Variants in PPP2R5E observed in about 807,000 individuals in gnomAD.
The protein encoded by PPP2R5E is serine/threonine-protein phosphatase 2A 56 kDa regulatory subunit epsilon isoform.
A neutral mutation model predicts 65.3 loss-of-function variants in PPP2R5E; 4 were observed. That is an observed-to-expected ratio of 0.06 (90% confidence interval 0.03 to 0.14). The LOEUF (loss-of-function observed/expected upper bound fraction) is 0.14, where lower values mean the gene tolerates loss of function less well. PPP2R5E is among the 10% of genes least tolerant of loss of function. The pLI is 1.00. For missense variants in PPP2R5E, 274 were observed against 556.1 expected, an observed-to-expected ratio of 0.49 and a Z score of 5.10; for synonymous variants, 183 against 187.4, an observed-to-expected ratio of 0.98 and a Z score of 0.19.
intron 12 of PPP2R5E, 131 bp from the exon 13 acceptor site, chr14:63,382,288 T>C: frequency 2.0e-6 from 1 of 493,968 alleles, no homozygotes; most frequent in Non-Finnish European, 3.4e-6. Flanking sequence ...CTTTTTTAGT[T>C]GGAACAACTG....
At position 63,404,451 on chromosome 14, in the gene PPP2R5E, T is replaced by C. The variant is rs139935956; in HGVS notation, c.550-7735A>G. Among the ~76,000 whole-genome samples the C allele has an allele frequency of 4.2e-3, 646 of 152,326 alleles. 4 individuals carry two copies. The highest frequency in any genetic ancestry group is 0.015 in the African/African-American group (606 of 41,576). On this transcript the variant is annotated intron_variant, in intron 5 of 13. Coordinates refer to ENST00000337537, the MANE Select transcript of PPP2R5E (RefSeq NM_006246.5). ...AAACTATCTTCCTCATACTTTCACC[T>C]TGGCCAAATACAGAGAAAACAGCCC...
rs540377203 is a variant in PPP2R5E, at chr14:63,390,196, A to G, written c.955-465T>C. Among the ~76,000 whole-genome samples, 5 of 152,108 alleles carry G rather than the reference A, an allele frequency of 3.3e-5. No individual in the cohort carries two copies. In the South Asian group the frequency reaches 1.0e-3, roughly 32 times the overall value. On this transcript the variant is annotated intron_variant, in intron 10 of 13. Transcript: ENST00000337537. ...CTACATGCTCAATGCTCTAGAACGC[A>G]CTCATTAATACAACAAAAAGTTCAA... is the stretch of plus-strand genomic sequence containing the variant.
intron 3 of PPP2R5E, among the ~76,000 whole-genome samples, chr14:63,437,806 CAAAA>C (rs545511297): frequency 2.0e-5 from 3 of 152,002 alleles, no homozygotes; most frequent in African/African-American, 7.2e-5. Context: ...TCCATTTTGT[CAAAA>C]AAATACACTT....
chr14:63,482,598 G>T (rs943506543), intron 2 of PPP2R5E, among the ~76,000 whole-genome samples: 5 of 152,172 alleles, frequency 3.3e-5, no homozygotes, highest in African/African-American at 7.2e-5. Flanking sequence ...ACGCAAGAAA[G>T]GGGAGTAATA....
intron 13 of PPP2R5E, among the ~76,000 whole-genome samples, chr14:63,379,980 G>A (rs868810467): frequency 4.6e-5 from 7 of 151,438 alleles, no homozygotes; most frequent in Non-Finnish European, 8.8e-5. Flanking sequence ...GACCACAAGC[G>A]CATGCCACCG....
chr14:63,504,788 A>C (rs1424211246), intron 2 of PPP2R5E, among the ~76,000 whole-genome samples: 2 of 151,910 alleles, frequency 1.3e-5, no homozygotes, highest in African/African-American at 2.4e-5. Context: ...ATAGCATAAA[A>C]TATGTGTTCA....
rs763951053 is a variant in PPP2R5E, at chr14:63,389,547, T to C, written c.1074+65A>G. 6.6e-6 allele frequency: 10 copies of C among 1,506,028 alleles called. No homozygotes were observed. In the Admixed American group the frequency reaches 2.2e-4, roughly 33 times the overall value. The allele number at this position is 1,506,028 out of a possible 1,614,324, so 93.3% of individuals were successfully genotyped here. A position where few individuals can be genotyped will look rare whatever the true frequency, so the allele number is the denominator to read the frequency against. ...TAGCTAGGGTCCATTACATTGCTTT[T>C]GAAACAAATAAAATTTAACCAAAAT... On this transcript the variant is annotated intron_variant, in intron 11 of 13. Coordinates refer to ENST00000337537, the MANE Select transcript of PPP2R5E (RefSeq NM_006246.5).
intron 3 of PPP2R5E, among the ~76,000 whole-genome samples, chr14:63,440,635 G>A (rs1888177871): frequency 6.6e-6 from 1 of 151,962 alleles, no homozygotes; most frequent in East Asian, 1.9e-4. Context: ...TTATGGCTTA[G>A]CATCTAAGAG....
chr14:63,412,281 A>G (rs1016978298), intron 5 of PPP2R5E, among the ~76,000 whole-genome samples: 3 of 152,238 alleles, frequency 2.0e-5, no homozygotes, highest in African/African-American at 7.2e-5. Context: ...TGTTTAAAAA[A>G]GGGAAAAGAA....
chr14:63,411,737 T>C (rs939845119), intron 5 of PPP2R5E, among the ~76,000 whole-genome samples: 2 of 148,364 alleles, frequency 1.3e-5, no homozygotes, highest in Non-Finnish European at 3.0e-5. Context: ...GTGACACACA[T>C]GCTCCCCTTT....
chr14:63,481,256 G>A (rs1465538440), intron 2 of PPP2R5E, among the ~76,000 whole-genome samples: 4 of 152,032 alleles, frequency 2.6e-5, no homozygotes, highest in African/African-American at 9.7e-5. Context: ...CAACACTTTG[G>A]GAGGCCGAGG....
At position 63,415,029 on chromosome 14, in the gene PPP2R5E, T is replaced by TA. The variant is rs1566685033; in HGVS notation, c.549+110_549+111insT. ...CTTATGTTTATATATATATATATAT[T>TA]TTGTGGGTGATATAACTGTCATTGC... On this transcript the variant is annotated intron_variant, in intron 5 of 13. Coordinates refer to ENST00000337537, the MANE Select transcript of PPP2R5E (RefSeq NM_006246.5). 34 of 583,270 alleles carry TA rather than the reference T, an allele frequency of 5.8e-5. No individual in the cohort carries two copies. The African/African-American group carries it at 6.2e-4, about 11-fold the overall frequency. The allele number at this position is 583,270 out of a possible 1,614,324, so 36.1% of individuals were successfully genotyped here.
Position 63,415,203 on chromosome 14 carries a change from CA to C in PPP2R5E, c.485del (p.Leu162TrpfsTer15). The C allele has an allele frequency of 3.1e-6, 5 of 1,601,924 alleles. No homozygotes were observed. Among genetic ancestry groups the C allele is most frequent in the South Asian group, 1.1e-5 (1 of 90,058 alleles). On this transcript the variant is annotated frameshift_variant, in exon 5 of 14. Coordinates refer to ENST00000337537, the MANE Select transcript of PPP2R5E (RefSeq NM_006246.5). LOFTEE classifies it high-confidence loss of function. ...QLVYEFFIRFLESQEFQPSIA... is the reference protein window; with the variant it reads ...QLVYEFFIRFXESQEFQPSIA... ...TGCTGGGTTGGAATTCTTGGCTTTC[CA>C]AAAATCGTATGAAAAATTCATATAC...
chr14:63,465,617 C>T (rs1889757029), intron 2 of PPP2R5E, among the ~76,000 whole-genome samples: 1 of 152,082 alleles, frequency 6.6e-6, no homozygotes, highest in South Asian at 2.1e-4. Context: ...CACGGTAAGA[C>T]CCTGTTTCAA....
At chr14:63,401,337 T>A (rs1885741802) in intron 5 of PPP2R5E, among the ~76,000 whole-genome samples, 2 of 152,042 alleles carry the variant, frequency 1.3e-5, no homozygotes, top group Admixed American at 1.3e-4. Flanking sequence ...AGAAATATAA[T>A]CCCACACCTG....
chr14:63,518,459 G>T (rs764293284), intron 2 of PPP2R5E, among the ~76,000 whole-genome samples: 29 of 152,040 alleles, frequency 1.9e-4, no homozygotes, highest in Non-Finnish European at 3.7e-4. Flanking sequence ...GCCCAGGTTG[G>T]TCTCAAGCTC....
chr14:63,520,222 A>T (rs1290579292), intron 2 of PPP2R5E, among the ~76,000 whole-genome samples: 1 of 151,260 alleles, frequency 6.6e-6, no homozygotes, highest in East Asian at 2.0e-4. Context: ...TTTTTAGTAG[A>T]GATGGGGTTT....
In PPP2R5E at chr14:63,432,694, GA is replaced by G. The variant is rs553900422; in HGVS notation, c.355-10601del. ...GGGGGAAGGGGAGGGAAGAAAGAAA[GA>G]AAGATTCAAGGGAAAAAGAAAGACA... is the stretch of plus-strand genomic sequence containing the variant. On this transcript the variant is annotated intron_variant, in intron 3 of 13. Coordinates refer to ENST00000337537, the MANE Select transcript of PPP2R5E (RefSeq NM_006246.5). 3.2e-3 allele frequency among the ~76,000 whole-genome samples: 484 copies of G among 152,178 alleles called. 2 individuals are homozygous for G. Among genetic ancestry groups the G allele is most frequent in the African/African-American group, 0.011 (458 of 41,530 alleles).
At chr14:63,498,661 T>C (rs1060492) in intron 2 of PPP2R5E, among the ~76,000 whole-genome samples, 1 of 151,986 alleles carries the variant, frequency 6.6e-6, no homozygotes, top group Non-Finnish European at 1.5e-5. Context: ...CAAGCTCAAG[T>C]AATCCTCCCA....
Sources: allele counts gnomAD v4.1 joint callset (sites outside exome capture counted in the v4.1 genomes callset), GRCh38; gene constraint gnomAD v4.1.1; transcripts MANE v1.5; gene names NCBI Gene and HGNC (gene_info 2026-07-23, HGNC 2026-07-21).